CFAP92: variants seen among roughly 807,000 people sequenced by gnomAD.
CFAP92 encodes uncharacterized protein CFAP92.
Under a neutral mutation model 106.3 loss-of-function variants are expected in CFAP92, and 86 were observed. The observed-to-expected ratio is 0.81, with a 90% CI of 0.68 to 0.97. The LOEUF is 0.97. Ranked by LOEUF, CFAP92 falls within the 50% of genes least tolerant of loss-of-function variation. CFAP92 has a pLI of 0.00. For missense variants in CFAP92, 1,204 were observed against 1,283.8 expected, an observed-to-expected ratio of 0.94 and a Z score of 0.95; for synonymous variants, 477 against 506.4, an observed-to-expected ratio of 0.94 and a Z score of 0.78.
chr3:128,982,530 C>T (rs1943597297), intron 4 of CFAP92, among the ~76,000 whole-genome samples: 1 of 152,204 alleles, frequency 6.6e-6, no homozygotes, highest in South Asian at 2.1e-4. Flanking sequence ...TGGAGTAGCA[C>T]GTTTAACTTC....
chr3:128,933,129 AAAG>A, intron 11 of CFAP92, 132 bp from the exon 12 acceptor site: 1 of 798,952 alleles, frequency 1.3e-6, no homozygotes, highest in Non-Finnish European at 2.0e-6. Flanking sequence ...GCTTGTGACT[AAAG>A]AGCTCCAATT....
chr3:129,013,244 G>A, the CFAP92 span, among the ~76,000 whole-genome samples: 1 of 151,784 alleles, frequency 6.6e-6, no homozygotes, highest in African/African-American at 2.4e-5. Context: ...GTGGTCTTGT[G>A]TAGAAAAAAA....
chr3:129,003,888 TG>T, upstream of CFAP92: 1 of 1,392,318 alleles, frequency 7.2e-7, no homozygotes, highest in Admixed American at 3.1e-5. Flanking sequence ...CAGGGCGCCC[TG>T]GCTGCGGCGG....
intron 12 of CFAP92, among the ~76,000 whole-genome samples, chr3:128,931,438 G>GAT (rs1253226731): frequency 1.6e-4 from 22 of 141,470 alleles, no homozygotes; most frequent in African/African-American, 5.9e-4. Context: ...AGTGGTATGA[G>GAT]ATATATATAT....
chr3:129,003,228 A>G, upstream of CFAP92: 1 of 985,408 alleles, frequency 1.0e-6, no homozygotes, highest in South Asian at 4.7e-5. Context: ...GTGGAATCCC[A>G]AGTAACGTAC....
chr3:128,988,756 G>C lies in CFAP92; in HGVS notation c.425C>G (p.Ala142Gly). 1 of 1,613,622 alleles carries C rather than the reference G, an allele frequency of 6.2e-7. No individual in the cohort carries two copies. The highest frequency in any genetic ancestry group is 8.5e-7 in the Non-Finnish European group (1 of 1,179,886). The change falls in exon 3 of 16, where the codon GCC (alanine) becomes GGC (glycine). Residue 142 changes from alanine to glycine, a missense_variant. By Grantham distance (60) the Ala-to-Gly change is moderately conservative. Transcript: ENST00000645291. ...KVDILLFPMV[A>G]KVFLESGVKT... Reference sequence around the variant, plus strand: ...TACTCCTGACTCCAGGAATACTTTGGCCACCATTGGAAATAGCAATATGTC... The same window carrying C: ...TACTCCTGACTCCAGGAATACTTTGCCCACCATTGGAAATAGCAATATGTC...
In CFAP92 at chr3:128,988,610, G is replaced by A. The variant is rs371527851; in HGVS notation, c.453+118C>T. 2.6e-4 allele frequency: 267 copies of A among 1,041,240 alleles called. 5 individuals are homozygous for A. In the South Asian group the frequency reaches 3.9e-3, roughly 15 times the overall value. 64.5% of individuals were successfully genotyped at this position (1,041,240 alleles called of 1,614,324 possible). On this transcript the variant is annotated intron_variant, in intron 3 of 15. Coordinates refer to ENST00000645291, the MANE Select transcript of CFAP92 (RefSeq NM_001394090.1). ...GATTCCCACTCAGGAGGTGGGGCCC[G>A]GGATCCTCCAATTCTAGCAAGCTGG... is the stretch of plus-strand genomic sequence containing the variant.
chr3:128,959,273 CAAA>C (rs772979399), intron 9 of CFAP92, among the ~76,000 whole-genome samples: 1 of 151,826 alleles, frequency 6.6e-6, no homozygotes, highest in African/African-American at 2.4e-5. Context: ...TTTGGAGAAA[CAAA>C]AAACAGTTCG....
At chr3:128,928,556 G>A (rs1182075693) in intron 12 of CFAP92, among the ~76,000 whole-genome samples, 1 of 152,126 alleles carries the variant, frequency 6.6e-6, no homozygotes. Context: ...TCAATTTAAT[G>A]GGGGAATAGC....
intron 9 of CFAP92, among the ~76,000 whole-genome samples, chr3:128,958,408 C>T (rs1941614032): frequency 6.6e-6 from 1 of 152,060 alleles, no homozygotes; most frequent in African/African-American, 2.4e-5. Flanking sequence ...ATGGCACAGA[C>T]CTATATACAC....
At chr3:129,012,474 A>G in the CFAP92 span, among the ~76,000 whole-genome samples, 992 of 152,260 alleles carry the variant, frequency 6.5e-3, 11 homozygotes, top group African/African-American at 0.021. Flanking sequence ...AGCTGGGAAC[A>G]TGGCTGCAGG....
the CFAP92 span, among the ~76,000 whole-genome samples, chr3:129,014,625 A>G: frequency 6.6e-6 from 1 of 152,212 alleles, no homozygotes; most frequent in African/African-American, 2.4e-5. This position sits in a 1 kb window ranked among gnomAD's most constrained non-coding sequence, Gnocchi z 4.3. Context: ...GGGTCTGGAC[A>G]TCAACATATG....
At chr3:129,023,440 T>G in the CFAP92 span, among the ~76,000 whole-genome samples, 11 of 152,178 alleles carry the variant, frequency 7.2e-5, no homozygotes, top group African/African-American at 2.6e-4. Context: ...GGCATTCTCC[T>G]GCCTCAGCCT....
Position 128,980,657 on chromosome 3 carries a change from G to A in CFAP92, c.668-2472C>T, listed in dbSNP as rs369819024. On this transcript the variant is annotated intron_variant, in intron 4 of 15. Coordinates refer to ENST00000645291, the MANE Select transcript of CFAP92 (RefSeq NM_001394090.1). ...TGCCACTTCTTTATCAACTAAATGT[G>A]TGTACTATTCTAAATCCTATTGTCA... Among the ~76,000 whole-genome samples the A allele has an allele frequency of 1.4e-4, 21 of 152,300 alleles. 1 individual carries two copies. Among genetic ancestry groups the A allele is most frequent in the Admixed American group, 4.6e-4 (7 of 15,300 alleles).
intron 1 of CFAP92, among the ~76,000 whole-genome samples, chr3:129,001,327 T>G (rs534714114): frequency 2.3e-4 from 34 of 150,374 alleles, no homozygotes; most frequent in African/African-American, 7.1e-4. Flanking sequence ...GCCCCGTGAG[T>G]GAGGAGAGGA....
chr3:128,945,457 G>C lies in CFAP92; in HGVS notation c.1872C>G (p.Asn624Lys). The change falls in exon 10 of 16, where the codon AAC becomes AAG. Residue 624 changes from asparagine (N) to lysine (K), a missense_variant. Coordinates refer to ENST00000645291, the MANE Select transcript of CFAP92 (RefSeq NM_001394090.1). ...TGAGCTGGGAGTCAGCCTCTAGGTAGTTGCCCCTGGGCATTGGGCCGTGCT... is the reference window on the plus strand; with the variant it reads ...TGAGCTGGGAGTCAGCCTCTAGGTACTTGCCCCTGGGCATTGGGCCGTGCT... ...GHQHGPMPRG[N>K]YLEADSQLKL... The C allele has an allele frequency of 1.3e-6, 2 of 1,536,172 alleles. No individual in the cohort carries two copies. Among genetic ancestry groups the C allele is most frequent in the Non-Finnish European group, 1.7e-6 (2 of 1,146,924 alleles).
the CFAP92 span, among the ~76,000 whole-genome samples, chr3:129,020,762 G>T: frequency 7.9e-5 from 12 of 152,324 alleles, no homozygotes; most frequent in Non-Finnish European, 1.6e-4. Flanking sequence ...TTCTCAAAAG[G>T]CTCTGTGAGC....
chr3:128,979,747 T>C (rs1417984359), intron 4 of CFAP92, among the ~76,000 whole-genome samples: 1 of 142,542 alleles, frequency 7.0e-6, no homozygotes, highest in East Asian at 2.1e-4. Flanking sequence ...AATTGAACAG[T>C]GAGAACACTT....
In CFAP92 at chr3:128,988,748, A is replaced by G; in HGVS notation, c.433T>C (p.Phe145Leu). Reference sequence around the variant, plus strand: ...CGCACCTTTACTCCTGACTCCAGGAATACTTTGGCCACCATTGGAAATAGC... The same window carrying G: ...CGCACCTTTACTCCTGACTCCAGGAGTACTTTGGCCACCATTGGAAATAGC... ...ILLFPMVAKV[F>L]LESGVKTVKP... Residue 145 changes from phenylalanine to leucine, a missense_variant, in exon 3 of 16, where the codon TTC becomes CTC. Transcript: ENST00000645291. 1 of 1,613,680 alleles carries G rather than the reference A, an allele frequency of 6.2e-7. No homozygotes were observed.
Sources: gnomAD v4.1 joint callset for allele counts (sites outside exome capture counted in the v4.1 genomes callset) on GRCh38, gnomAD v4.1.1 for gene constraint, Gnocchi (gnomAD v3.1) non-coding constraint, MANE v1.5 for transcripts, NCBI Gene and HGNC (gene_info 2026-07-23, HGNC 2026-07-21) for gene names.